The following FAT1 variants were observed in gnomAD, a reference collection of about 807,000 sequenced individuals.
The protein encoded by FAT1 is FAT atypical cadherin 1, also known as protocadherin Fat 1.
Under a neutral mutation model 329.8 loss-of-function variants are expected in FAT1, and 171 were observed. The ratio of observed to expected loss-of-function variants is 0.52; its 90% CI spans 0.46 to 0.59. The LOEUF is 0.59. FAT1 is among the 20% of genes least tolerant of loss of function. The pLI is 0.00. For missense variants in FAT1, 5,672 were observed against 5,774.4 expected, an observed-to-expected ratio of 0.98 and a Z score of 0.57; for synonymous variants, 2,233 against 2,228.6, an observed-to-expected ratio of 1.00 and a Z score of -0.06.
chr4:186,646,004 C>CACACACACACACACACAT lies in FAT1; in HGVS notation c.3581-6222_3581-6221insATGTGTGTGTGTGTGTGT, dbSNP rs1491403367. Among the ~76,000 whole-genome samples, 132 of 135,012 alleles carry CACACACACACACACACAT rather than the reference C, an allele frequency of 9.8e-4. 2 individuals carry two copies. Among genetic ancestry groups the CACACACACACACACACAT allele is most frequent in the African/African-American group, 3.7e-3 (131 of 35,592 alleles). The allele number at this position is 135,012 out of a possible 152,430, so 88.6% of individuals were successfully genotyped here. On this transcript the variant is annotated intron_variant, in intron 3 of 26. Coordinates refer to ENST00000441802, the MANE Select transcript of FAT1 (RefSeq NM_005245.4). ...ACACACACACACACACACACACACA[C>CACACACACACACACACAT]ATGAAAGATGGCAGCTAGAAAAGGA...
In FAT1 at chr4:186,588,224, A is replaced by G; in HGVS notation, c.*368T>C. ...AAAATATCTTGGAAATCTAGTTAAAACTATGAAAAATCAAATCTGTACATA... is the reference window on the plus strand; with the variant it reads ...AAAATATCTTGGAAATCTAGTTAAAGCTATGAAAAATCAAATCTGTACATA... On this transcript the variant is annotated 3_prime_UTR_variant, in exon 27 of 27. Transcript: ENST00000441802. 1 of 249,080 alleles carries G rather than the reference A, an allele frequency of 4.0e-6. No individual in the cohort carries two copies. The highest frequency in any genetic ancestry group is 6.0e-5 in the East Asian group (1 of 16,564). The allele number at this position is 249,080 out of a possible 1,614,324, so 15.4% of individuals were successfully genotyped here. A position where few individuals can be genotyped will look rare whatever the true frequency, so the allele number is the denominator to read the frequency against.
intron 3 of FAT1, among the ~76,000 whole-genome samples, chr4:186,642,105 TCTC>T (rs1454313833): frequency 7.2e-5 from 11 of 152,176 alleles, no homozygotes; most frequent in Non-Finnish European, 1.6e-4. Context: ...TCAAATTAAT[TCTC>T]CTCCGTTAAC....
chr4:186,675,786 CACACA>C (rs1742925698), intron 2 of FAT1, among the ~76,000 whole-genome samples: 1 of 55,606 alleles, frequency 1.8e-5, no homozygotes, highest in Non-Finnish European at 2.9e-5. Flanking sequence ...GTCTAAAACA[CACACA>C]CACACACACA....
intron 1 of FAT1, among the ~76,000 whole-genome samples, chr4:186,717,751 C>G (rs1048874033): frequency 2.6e-5 from 4 of 152,172 alleles, no homozygotes; most frequent in Non-Finnish European, 4.4e-5. Flanking sequence ...CTCCTGGGAA[C>G]GACAAGACAG....
At chr4:186,612,093 G>A (rs1707822141) in intron 13 of FAT1, among the ~76,000 whole-genome samples, 1 of 149,478 alleles carries the variant, frequency 6.7e-6, no homozygotes, top group Non-Finnish European at 1.5e-5. Context: ...CCAGGCGTGA[G>A]CCACCGCACC....
chr4:186,590,806 A>G (rs1419712380), intron 26 of FAT1: 1 of 387,752 alleles, frequency 2.6e-6, no homozygotes, highest in Non-Finnish European at 5.1e-6. Context: ...CTACAGCTAC[A>G]TAATGCACAC....
At chr4:186,613,953 TAAA>T (rs1387635582) in intron 12 of FAT1, among the ~76,000 whole-genome samples, 1 of 152,238 alleles carries the variant, frequency 6.6e-6, no homozygotes. Flanking sequence ...AAACGCCTTC[TAAA>T]TTTTAAATCC....
Position 186,598,095 on chromosome 4 carries a change from A to G in FAT1, c.12134T>C (p.Ile4045Thr), listed in dbSNP as rs1738622358. 2.5e-6 allele frequency: 4 copies of G among 1,613,402 alleles called. No individual in the cohort carries two copies. Among genetic ancestry groups the G allele is most frequent in the Admixed American group, 1.7e-5 (1 of 59,856 alleles). Residue 4045 changes from isoleucine (I) to threonine (T), a missense_variant, in exon 23 of 27, where the codon ATA (isoleucine) becomes ACA (threonine). By Grantham distance (89) the Ile-to-Thr change is moderately conservative (BLOSUM62 -1). This residue lies in a region of FAT1 where 1,706 missense variants were observed against 1,859.1 expected (regional missense o/e 0.92). Transcript: ENST00000441802. ...GYYCKCSALY[I>T]GTHCEISVNP... The stretch of plus-strand genomic sequence containing the variant: ...GACGCTTATCTCACAGTGGGTCCCT[A>G]TGTACAAGGCACTGCATTTGCAGTA...
At chr4:186,717,056 C>T (rs1036144796) in intron 1 of FAT1, among the ~76,000 whole-genome samples, 1 of 151,940 alleles carries the variant, frequency 6.6e-6, no homozygotes, top group Non-Finnish European at 1.5e-5. Flanking sequence ...CATGAGCCAC[C>T]GCACCCAGCG....
chr4:186,642,041 G>A (rs1186168224), intron 3 of FAT1, among the ~76,000 whole-genome samples: 5 of 151,776 alleles, frequency 3.3e-5, no homozygotes, highest in African/African-American at 1.2e-4. Flanking sequence ...AAGCCAAAAG[G>A]CTACCTGACC....
chr4:186,615,235 G>T (rs558014942), intron 11 of FAT1, among the ~76,000 whole-genome samples: 1 of 151,932 alleles, frequency 6.6e-6, no homozygotes, highest in Non-Finnish European at 1.5e-5. Flanking sequence ...AGAGAATGTC[G>T]CACCCCTTCT....
upstream of FAT1, among the ~76,000 whole-genome samples, chr4:186,725,179 C>T (rs1297453002): frequency 6.6e-6 from 1 of 152,022 alleles, no homozygotes; most frequent in African/African-American, 2.4e-5. This position sits in a 1 kb window ranked among gnomAD's most constrained non-coding sequence, Gnocchi z 5.4. Flanking sequence ...GCTCCAAGTG[C>T]TTACAGGTCA....
intron 1 of FAT1, among the ~76,000 whole-genome samples, chr4:186,717,363 T>C (rs1324575440): frequency 6.6e-6 from 1 of 152,212 alleles, no homozygotes; most frequent in Non-Finnish European, 1.5e-5. Context: ...TTAGGCTTGG[T>C]ATATGTCATT....
rs372637989 is a variant in FAT1 at position 186,707,510 on chromosome 4, A to C, written c.2318T>G (p.Met773Arg). Residue 773 changes from methionine (M) to arginine (R), a missense_variant, in exon 2 of 27, where the codon ATG becomes AGG. This residue lies in a region of FAT1 where 3,966 missense variants were observed against 3,915.2 expected (regional missense o/e 1.01). Coordinates refer to ENST00000441802, the MANE Select transcript of FAT1 (RefSeq NM_005245.4). ...GTCAAGAGGAGATAAAATTTTCAGC[A>C]TTCCTGTTTCCATATCAATCATGAA... The part of the protein sequence containing the change: ...SCFMIDMETG[M>R]LKILSPLDRE... 2.9e-5 allele frequency: 46 copies of C among 1,613,922 alleles called. No individual in the cohort carries two copies. The highest frequency in any genetic ancestry group is 3.9e-5 in the Non-Finnish European group (46 of 1,179,896).
In FAT1 at chr4:186,596,901, C is replaced by A. The variant is rs372348852; in HGVS notation, c.12639G>T (p.Gln4213His). The A allele has an allele frequency of 1.2e-6, 2 of 1,613,988 alleles. No homozygotes were observed. Among genetic ancestry groups the A allele is most frequent in the South Asian group, 1.1e-5 (1 of 91,084 alleles). ...RKMISRKKKH[Q>H]AEPKDKHLGP... is the part of the protein sequence containing the mutation. ...CCAGGTGCTTGTCTTTAGGTTCAGCCTGATGCTTCTTTTTCCGACTAATCA... is the reference window on the plus strand; with the variant it reads ...CCAGGTGCTTGTCTTTAGGTTCAGCATGATGCTTCTTTTTCCGACTAATCA... The change falls in exon 25 of 27, where the codon CAG (glutamine) becomes CAT (histidine). Residue 4213 changes from glutamine to histidine, a missense_variant. Around this residue, in one of 2 missense-constraint regions of FAT1, gnomAD observed 1,706 missense variants for 1,859.1 expected, o/e 0.92. Coordinates refer to ENST00000441802, the MANE Select transcript of FAT1 (RefSeq NM_005245.4). The surrounding 1 kb of genome is among the most constrained non-coding windows in gnomAD (Gnocchi z 4.7).
intron 3 of FAT1, among the ~76,000 whole-genome samples, chr4:186,645,774 C>T (rs901148948): frequency 2.2e-4 from 34 of 151,280 alleles, no homozygotes; most frequent in Non-Finnish European, 2.4e-4. Context: ...GGAGAAACCC[C>T]ATCTCTACTA....
At chr4:186,658,151 C>T (rs1741993843) in intron 3 of FAT1, among the ~76,000 whole-genome samples, 1 of 152,196 alleles carries the variant, frequency 6.6e-6, no homozygotes. Flanking sequence ...TAAAAATTAG[C>T]AATGTCAACA....
intron 3 of FAT1, among the ~76,000 whole-genome samples, chr4:186,653,715 C>T (rs184344737): frequency 1.0e-3 from 158 of 152,208 alleles, no homozygotes; most frequent in African/African-American, 3.6e-3. Flanking sequence ...GAATTTATTT[C>T]GTTTATTTAC....
intron 3 of FAT1, among the ~76,000 whole-genome samples, chr4:186,653,320 A>G (rs1398047159): frequency 6.6e-6 from 1 of 152,206 alleles, no homozygotes; most frequent in East Asian, 1.9e-4. Context: ...ACAGTCTACT[A>G]ACCAACTTGC....
Sources: gnomAD v4.1 joint callset for allele counts (sites outside exome capture counted in the v4.1 genomes callset) on GRCh38, gnomAD v4.1.1 for gene constraint, gnomAD v4.1.1 regional missense constraint, Gnocchi (gnomAD v3.1) non-coding constraint, MANE v1.5 for transcripts, NCBI Gene and HGNC (gene_info 2026-07-23, HGNC 2026-07-21) for gene names.